Variants in ACOXL observed in about 807,000 individuals in gnomAD.
ACOXL encodes the protein acyl-CoA oxidase like.
Under a neutral mutation model 71.9 loss-of-function variants are expected in ACOXL, and 70 were observed. The ratio of observed to expected loss-of-function variants is 0.97; its 90% CI spans 0.80 to 1.19. ACOXL has a LOEUF of 1.19. Ranked by LOEUF, ACOXL falls within the 50% of genes most tolerant of loss-of-function variation. The pLI, the probability that ACOXL is intolerant of heterozygous loss-of-function variation, is 0.00. For synonymous variants in ACOXL, 253 were observed against 281.6 expected (o/e 0.90, Z 1.02); for missense variants, 703 against 736.3 (o/e 0.95, Z 0.52).
intron 9 of ACOXL, among the ~76,000 whole-genome samples, chr2:110,826,866 G>A (rs1279382801): frequency 6.8e-6 from 1 of 147,650 alleles, no homozygotes; most frequent in African/African-American, 2.5e-5. Flanking sequence ...CAGTTCACCT[G>A]TACACCAAAA....
chr2:111,110,795 A>T (rs927800017), intron 17 of ACOXL, among the ~76,000 whole-genome samples: 1 of 152,206 alleles, frequency 6.6e-6, no homozygotes, highest in Non-Finnish European at 1.5e-5. Context: ...CTTTGTTCAG[A>T]TTCTTCAGTT....
At chr2:111,006,958 C>T (rs977827381) in intron 14 of ACOXL, among the ~76,000 whole-genome samples, 1 of 149,948 alleles carries the variant, frequency 6.7e-6, no homozygotes, top group African/African-American at 2.5e-5. Context: ...TCTTTTTTCT[C>T]ATAGAGAGCA....
chr2:110,794,192 C>G lies in ACOXL; in HGVS notation c.345+18C>G. ...CTGCCCAGGTGAGGAATCCATCCTT[C>G]TCCTGCCGTGCAGGGGAGCTGGAAA... On this transcript the variant is annotated intron_variant, in intron 5 of 17. Transcript: ENST00000439055. 1 of 1,612,414 alleles carries G rather than the reference C, an allele frequency of 6.2e-7. No individual in the cohort carries two copies.
intron 9 of ACOXL, among the ~76,000 whole-genome samples, chr2:110,820,700 AT>A (rs1688494343): frequency 6.6e-6 from 1 of 152,080 alleles, no homozygotes; most frequent in Non-Finnish European, 1.5e-5. Flanking sequence ...CCTTGTTCTA[AT>A]TTGTATTTGT....
intron 9 of ACOXL, among the ~76,000 whole-genome samples, chr2:110,811,352 G>A (rs1026116616): frequency 3.9e-5 from 6 of 152,194 alleles, no homozygotes; most frequent in African/African-American, 9.7e-5. Context: ...AATGGGGTTG[G>A]TGGGAACGGA....
At chr2:111,001,125 C>T (rs1364163673) in intron 14 of ACOXL, among the ~76,000 whole-genome samples, 1 of 152,180 alleles carries the variant, frequency 6.6e-6, no homozygotes, top group African/African-American at 2.4e-5. Flanking sequence ...TTCAGACTCT[C>T]TCAATTATAC....
At chr2:110,878,818 G>A (rs1286372325) in intron 10 of ACOXL, among the ~76,000 whole-genome samples, 4 of 151,730 alleles carry the variant, frequency 2.6e-5, no homozygotes, top group Admixed American at 2.6e-4. Context: ...TCAGCACTTT[G>A]GGAGGCTGAG....
chr2:111,079,823 CT>C (rs11334781), intron 16 of ACOXL, among the ~76,000 whole-genome samples: 37,855 of 139,530 alleles, frequency 0.27, 4,976 homozygotes, highest in Middle Eastern at 0.37. Context: ...TAAGAGTCAC[CT>C]TTTTTTTTTT....
intron 17 of ACOXL, among the ~76,000 whole-genome samples, chr2:111,113,608 G>A (rs566364993): frequency 5.9e-5 from 9 of 152,306 alleles, no homozygotes; most frequent in African/African-American, 1.9e-4. Flanking sequence ...GGCAAAGGCT[G>A]GAGTAACAAG....
chr2:110,798,585 C>CT (rs1685563940), intron 5 of ACOXL, 25 bp from the exon 6 acceptor site: 3 of 1,584,774 alleles, frequency 1.9e-6, no homozygotes, highest in Non-Finnish European at 2.6e-6. Flanking sequence ...AAGGGAAACA[C>CT]TGTTGCTCTG....
At chr2:110,845,707 T>G (rs149272199) in intron 10 of ACOXL, among the ~76,000 whole-genome samples, 3 of 152,332 alleles carry the variant, frequency 2.0e-5, no homozygotes, top group African/African-American at 7.2e-5. Context: ...CGTGACTACC[T>G]TATTTAACTT....
chr2:111,117,661 A>AT lies in ACOXL; in HGVS notation c.1589dup (p.Ser531LeufsTer4), dbSNP rs777780580. On this transcript the variant is annotated frameshift_variant, in exon 18 of 18. Transcript: ENST00000439055. LOFTEE classifies it low-confidence loss of function (END_TRUNC). ...GGTGAAGGATGATGCCCGGAGGGTG[A>AT]TCTCGACCTTTAACATTCCACACAC... 5.2e-6 allele frequency: 8 copies of AT among 1,551,724 alleles called. No homozygotes were observed. The highest frequency in any genetic ancestry group is 7.0e-6 in the Non-Finnish European group (8 of 1,147,000).
intron 1 of ACOXL, among the ~76,000 whole-genome samples, chr2:110,753,260 G>A (rs900086490): frequency 3.3e-5 from 5 of 152,142 alleles, no homozygotes; most frequent in African/African-American, 4.8e-5. Context: ...ATCAGAAGCC[G>A]AGCAAATGCT....
At chr2:111,008,377 A>G (rs1341237110) in intron 14 of ACOXL, among the ~76,000 whole-genome samples, 2 of 152,064 alleles carry the variant, frequency 1.3e-5, no homozygotes, top group African/African-American at 2.4e-5. Context: ...TTTTTCCTAC[A>G]TACCTCATGT....
rs1171868522 is a variant in ACOXL, at chr2:110,943,160, AAG to A, written c.1059+9520_1059+9521del. ...GAAAGAAGGAAGAAAGAGAAAGAAA[AAG>A]AAAAAGGGAGGGAGGGAAAGAAGGA... On this transcript the variant is annotated intron_variant, in intron 12 of 17. Transcript: ENST00000439055. 4.7e-5 allele frequency among the ~76,000 whole-genome samples: 5 copies of A among 107,256 alleles called. No individual in the cohort carries two copies. In the East Asian group the frequency reaches 9.7e-4, roughly 21 times the overall value. 70.4% of individuals were successfully genotyped at this position (107,256 alleles called of 152,430 possible).
intron 16 of ACOXL, among the ~76,000 whole-genome samples, chr2:111,051,657 A>T (rs2066294100): frequency 6.6e-6 from 1 of 152,068 alleles, no homozygotes. Flanking sequence ...TTTAGTAGAG[A>T]TGGGGTTTCA....
At chr2:110,803,862 T>C (rs1686294040) in intron 8 of ACOXL, among the ~76,000 whole-genome samples, 1 of 152,062 alleles carries the variant, frequency 6.6e-6, no homozygotes. Flanking sequence ...AAAATCTGAA[T>C]AGACATTTCA....
intron 16 of ACOXL, among the ~76,000 whole-genome samples, chr2:111,067,652 A>G (rs1451018488): frequency 3.9e-5 from 6 of 152,248 alleles, no homozygotes; most frequent in Non-Finnish European, 8.8e-5. Flanking sequence ...TACAGCCAAA[A>G]TTCAAATGTT....
At chr2:110,943,081 A>G (rs778264051) in intron 12 of ACOXL, among the ~76,000 whole-genome samples, 8 of 120,106 alleles carry the variant, frequency 6.7e-5, no homozygotes, top group Non-Finnish European at 1.4e-4. Flanking sequence ...GGAAGAAAAG[A>G]AGAGAGGGAG....
Sources: gnomAD v4.1 joint callset for allele counts (sites outside exome capture counted in the v4.1 genomes callset) on GRCh38, gnomAD v4.1.1 for gene constraint, MANE v1.5 for transcripts, NCBI Gene and HGNC (gene_info 2026-07-23, HGNC 2026-07-21) for gene names.